The following KLHL25 variants were observed in gnomAD, a reference collection of about 807,000 sequenced individuals.
KLHL25 encodes the protein kelch like family member 25.
KLHL25 carries 41 observed loss-of-function variants against 30.0 expected under a neutral mutation model. That is an observed-to-expected ratio of 1.37 (90% CI 1.07 to 1.78). The LOEUF is 1.78. Among genes scored for constraint, KLHL25 ranks in the 40% most tolerant of loss-of-function variants. The pLI is 0.00. For synonymous variants in KLHL25, 399 were observed against 355.3 expected (o/e 1.12, Z -1.38); for missense variants, 971 against 824.5 (o/e 1.18, Z -2.18).
intron 1 of KLHL25, among the ~76,000 whole-genome samples, chr15:85,784,843 C>T (rs749817334): frequency 2.0e-5 from 3 of 152,170 alleles, no homozygotes; most frequent in Non-Finnish European, 4.4e-5. Context: ...CCAGTCAGGC[C>T]AGCCCAGACT....
At chr15:85,775,385 C>T (rs971079864) in intron 1 of KLHL25, among the ~76,000 whole-genome samples, 1 of 152,150 alleles carries the variant, frequency 6.6e-6, no homozygotes, top group African/African-American at 2.4e-5. Context: ...AGTGAACAAC[C>T]TGCACAGTGA....
At position 85,768,225 on chromosome 15, in the gene KLHL25, A is replaced by G; in HGVS notation, c.1586T>C (p.Met529Thr). The change falls in exon 2 of 3, where the codon ATG (methionine) becomes ACG (threonine). Residue 529 changes from methionine to threonine, a missense_variant. By Grantham distance (81) the Met-to-Thr change is moderately conservative. Coordinates refer to ENST00000337975, the MANE Select transcript of KLHL25 (RefSeq NM_022480.4). Reference protein sequence around the residue: ...TRIGDMTAKRMSCHALASGNK... With the variant: ...TRIGDMTAKRTSCHALASGNK... ...GCCGGAAGCCAGGGCATGGCAGGAC[A>G]TGCGCTTGGCAGTCATGTCCCCAAT... 3.1e-6 allele frequency: 5 copies of G among 1,614,168 alleles called. No homozygotes were observed. The highest frequency in any genetic ancestry group is 4.2e-6 in the Non-Finnish European group (5 of 1,180,046).
In KLHL25 at chr15:85,759,741, G is replaced by C. The variant is rs1041361720; in HGVS notation, c.*1295C>G. 56 of 152,264 alleles carry C rather than the reference G, an allele frequency of 3.7e-4. No homozygotes were observed. Among genetic ancestry groups the C allele is most frequent in the African/African-American group, 1.3e-3 (53 of 41,448 alleles). 9.4% of individuals were successfully genotyped at this position (152,264 alleles called of 1,614,324 possible). On this transcript the variant is annotated 3_prime_UTR_variant, in exon 3 of 3. Coordinates refer to ENST00000337975, the MANE Select transcript of KLHL25 (RefSeq NM_022480.4). The stretch of plus-strand genomic sequence containing the variant: ...CTGGTATGTGCACAGCCCCCTCCGC[G>C]GCCCTAATCTTGAGCCAGCCAAGCA...
chr15:85,773,858 T>A (rs1168889940), intron 1 of KLHL25, among the ~76,000 whole-genome samples: 3 of 152,026 alleles, frequency 2.0e-5, no homozygotes, highest in Admixed American at 2.0e-4. Context: ...CCCCTTTTGC[T>A]GAGGCCTGTC....
chr15:85,764,232 G>C (rs1228043559), intron 2 of KLHL25: 1 of 152,352 alleles, frequency 6.6e-6, no homozygotes, highest in Non-Finnish European at 1.5e-5. Flanking sequence ...AAGAGAACTC[G>C]GACACTGAGC....
intron 2 of KLHL25, chr15:85,763,038 A>C (rs1195828768): frequency 6.6e-6 from 1 of 152,226 alleles, no homozygotes; most frequent in Non-Finnish European, 1.5e-5. Context: ...CCCATGCTGG[A>C]GGCGGGTGGG....
At position 85,789,157 on chromosome 15, in the gene KLHL25, T is replaced by C. The variant is rs551849367; in HGVS notation, c.-11+5609A>G. On this transcript the variant is annotated intron_variant, in intron 1 of 2. Transcript: ENST00000337975. The surrounding 1 kb of genome is among the most constrained non-coding windows in gnomAD (Gnocchi z 4.1). ...AAGCAAGGCTTTTTTGTCTCCATCCTTTCCCTGCATCCTACTCCTCACCAC... is the reference window on the plus strand; with the variant it reads ...AAGCAAGGCTTTTTTGTCTCCATCCCTTCCCTGCATCCTACTCCTCACCAC... Among the ~76,000 whole-genome samples the C allele has an allele frequency of 2.0e-5, 2 of 98,298 alleles. No individual in the cohort carries two copies. Among genetic ancestry groups the C allele is most frequent in the East Asian group, 4.1e-4 (2 of 4,930 alleles). The allele number at this position is 98,298 out of a possible 152,430, so 64.5% of individuals were successfully genotyped here.
At chr15:85,793,112 T>C (rs1223507481) in intron 1 of KLHL25, among the ~76,000 whole-genome samples, 1 of 135,592 alleles carries the variant, frequency 7.4e-6, no homozygotes, top group African/African-American at 2.8e-5. Flanking sequence ...TTGCTTTCAC[T>C]GGGTAATTGT....
Position 85,776,360 on chromosome 15 carries a change from G to A in KLHL25, c.-10-6540C>T, listed in dbSNP as rs151009282. 5.5e-3 allele frequency among the ~76,000 whole-genome samples: 828 copies of A among 151,670 alleles called. 3 individuals are homozygous for A. Among genetic ancestry groups the A allele is most frequent in the Non-Finnish European group, 9.5e-3 (643 of 67,920 alleles). ...AAAAATTAGCTGGGCATGGTGGCAC[G>A]CACCTGTAGTCCCAGCTACTTGGGA... On this transcript the variant is annotated intron_variant, in intron 1 of 2. Coordinates refer to ENST00000337975, the MANE Select transcript of KLHL25 (RefSeq NM_022480.4).
At position 85,767,457 on chromosome 15, in the gene KLHL25, C is replaced by A. The variant is rs533813961; in HGVS notation, c.*24+560G>T. On this transcript the variant is annotated intron_variant, in intron 2 of 2. Coordinates refer to ENST00000337975, the MANE Select transcript of KLHL25 (RefSeq NM_022480.4). ...ATCAGTGCCAGGAGAGTAACACTGTCCTGACTCCATGGGGAGGGGGCCATT... is the reference window on the plus strand; with the variant it reads ...ATCAGTGCCAGGAGAGTAACACTGTACTGACTCCATGGGGAGGGGGCCATT... Among the ~76,000 whole-genome samples the A allele has an allele frequency of 2.0e-5, 3 of 152,332 alleles. No individual in the cohort carries two copies. In the South Asian group the frequency reaches 6.2e-4, roughly 32 times the overall value.
chr15:85,780,090 T>TG (rs2089734051), intron 1 of KLHL25, among the ~76,000 whole-genome samples: 2 of 152,192 alleles, frequency 1.3e-5, no homozygotes, highest in South Asian at 4.1e-4. Flanking sequence ...TCAAGGCAGA[T>TG]GGAAGGTGCC....
rs775818150 is a variant in KLHL25, at chr15:85,769,480, C to T, written c.331G>A (p.Ala111Thr). ...LLDFAYSSRI[A>T]INEENAESLL... ...GACTCAGCGTTCTCCTCGTTGATGG[C>T]GATGCGTGAGGAGTAGGCAAAGTCC... is the stretch of plus-strand genomic sequence containing the variant. Residue 111 changes from alanine (A) to threonine (T), a missense_variant, in exon 2 of 3, where the codon GCC (alanine) becomes ACC (threonine). By Grantham distance (58) the Ala-to-Thr change is moderately conservative. Coordinates refer to ENST00000337975, the MANE Select transcript of KLHL25 (RefSeq NM_022480.4). 11 of 1,613,856 alleles carry T rather than the reference C, an allele frequency of 6.8e-6. No homozygotes were observed. Among genetic ancestry groups the T allele is most frequent in the Admixed American group, 6.7e-5 (4 of 59,972 alleles).
chr15:85,778,549 G>C (rs140213393), intron 1 of KLHL25, among the ~76,000 whole-genome samples: 1 of 152,234 alleles, frequency 6.6e-6, no homozygotes, highest in African/African-American at 2.4e-5. Context: ...ACTGGGCAGG[G>C]AGGTGTTAGG....
intron 1 of KLHL25, among the ~76,000 whole-genome samples, chr15:85,786,501 G>C (rs976198148): frequency 2.6e-5 from 4 of 152,244 alleles, no homozygotes; most frequent in Admixed American, 2.6e-4. Flanking sequence ...TTTAGTCTGT[G>C]GTGGCCACTG....
At position 85,768,602 on chromosome 15, in the gene KLHL25, G is replaced by C. The variant is rs779314225; in HGVS notation, c.1209C>G (p.Phe403Leu). ...TCAGGGAGACAGAAGGCGAGGCCGGGAAGACCCCTGCCAGGGATGTGTGTC... is the reference window on the plus strand; with the variant it reads ...TCAGGGAGACAGAAGGCGAGGCCGGCAAGACCCCTGCCAGGGATGTGTGTC... ...VGGHTSLAGV[F>L]PASPSVSLKQ... The change falls in exon 2 of 3, where the codon TTC (phenylalanine) becomes TTG (leucine). Residue 403 changes from phenylalanine to leucine, a missense_variant. By Grantham distance (22) the Phe-to-Leu change is conservative (BLOSUM62 0). Coordinates refer to ENST00000337975, the MANE Select transcript of KLHL25 (RefSeq NM_022480.4). 8.5e-5 allele frequency: 137 copies of C among 1,610,714 alleles called. No homozygotes were observed. Among genetic ancestry groups the C allele is most frequent in the Non-Finnish European group, 1.1e-4 (135 of 1,177,590 alleles).
chr15:85,791,615 T>G (rs1343075275), intron 1 of KLHL25, among the ~76,000 whole-genome samples: 1 of 147,784 alleles, frequency 6.8e-6, no homozygotes, highest in South Asian at 2.1e-4. Flanking sequence ...GCAAGAGAGG[T>G]AGGGGGCGGG....
intron 1 of KLHL25, among the ~76,000 whole-genome samples, chr15:85,781,364 A>T (rs1199552146): frequency 6.6e-6 from 1 of 152,238 alleles, no homozygotes; most frequent in Non-Finnish European, 1.5e-5. Context: ...AATGAGTGAA[A>T]AGGGCAAATA....
rs183804410 is a variant in KLHL25, at chr15:85,770,086, C to G, written c.-10-266G>C. Among the ~76,000 whole-genome samples, 31 of 152,348 alleles carry G rather than the reference C, an allele frequency of 2.0e-4. No homozygotes were observed. In the East Asian group the frequency reaches 5.4e-3, roughly 27 times the overall value. ...ACATCTCTGGCCTGCAGATGAGCCACCCCCTAGGCAAGCTCCAGTTGAGGC... is the reference window on the plus strand; with the variant it reads ...ACATCTCTGGCCTGCAGATGAGCCAGCCCCTAGGCAAGCTCCAGTTGAGGC... On this transcript the variant is annotated intron_variant, in intron 1 of 2. Coordinates refer to ENST00000337975, the MANE Select transcript of KLHL25 (RefSeq NM_022480.4).
In KLHL25 at chr15:85,773,476, C is replaced by T. The variant is rs924517166; in HGVS notation, c.-10-3656G>A. On this transcript the variant is annotated intron_variant, in intron 1 of 2. Transcript: ENST00000337975. Reference sequence around the variant, plus strand: ...CCTCCTCCTCGCACTCACACCCTGACTGTTCTCTGGGAACCACCTGCCTCC... The same window carrying T: ...CCTCCTCCTCGCACTCACACCCTGATTGTTCTCTGGGAACCACCTGCCTCC... Among the ~76,000 whole-genome samples, 4 of 152,256 alleles carry T rather than the reference C, an allele frequency of 2.6e-5. No individual in the cohort carries two copies. The East Asian group carries it at 7.7e-4, about 29-fold the overall frequency.
Sources: gnomAD v4.1 joint callset for allele counts (sites outside exome capture counted in the v4.1 genomes callset) on GRCh38, gnomAD v4.1.1 for gene constraint, Gnocchi (gnomAD v3.1) non-coding constraint, MANE v1.5 for transcripts, NCBI Gene and HGNC (gene_info 2026-07-23, HGNC 2026-07-21) for gene names.